Variants in TRPM3 observed in about 807,000 individuals in gnomAD.
TRPM3 encodes transient receptor potential cation channel subfamily M member 3.
TRPM3 carries 77 observed loss-of-function variants against 181.2 expected under a neutral mutation model. The ratio of observed to expected loss-of-function variants is 0.42; its 90% CI spans 0.35 to 0.51. The LOEUF (loss-of-function observed/expected upper bound fraction) is 0.51. Among genes scored for constraint, TRPM3 ranks in the 20% least tolerant of loss-of-function variants. The pLI is 0.01. For synonymous variants in TRPM3, 745 were observed against 796.4 expected (o/e 0.94, Z 1.09); for missense variants, 1,759 against 2,196.7 (o/e 0.80, Z 3.98).
intron 1 of TRPM3, among the ~76,000 whole-genome samples, chr9:71,306,642 G>A (rs897614719): frequency 6.6e-6 from 1 of 152,166 alleles, no homozygotes; most frequent in Non-Finnish European, 1.5e-5. Flanking sequence ...TTGGGAGGCT[G>A]AGGCAGGTGG....
intron 3 of TRPM3, among the ~76,000 whole-genome samples, chr9:70,847,225 G>A (rs1387851553): frequency 6.6e-6 from 1 of 152,018 alleles, no homozygotes; most frequent in Non-Finnish European, 1.5e-5. Flanking sequence ...GATGCAACTG[G>A]AAATAAAGTT....
At chr9:71,191,836 G>A (rs955881153) in intron 1 of TRPM3, among the ~76,000 whole-genome samples, 11 of 149,762 alleles carry the variant, frequency 7.3e-5, no homozygotes, top group African/African-American at 2.4e-4. Flanking sequence ...AAACTGAAGT[G>A]TGACTTTCAG....
intron 1 of TRPM3, among the ~76,000 whole-genome samples, chr9:71,197,332 C>T (rs1159295189): frequency 2.0e-5 from 3 of 152,052 alleles, no homozygotes; most frequent in Admixed American, 6.6e-5. Flanking sequence ...AATAAACATA[C>T]GTGTGCATGT....
At chr9:70,631,143 G>C (rs189087104) in intron 12 of TRPM3, among the ~76,000 whole-genome samples, 2 of 152,334 alleles carry the variant, frequency 1.3e-5, no homozygotes, top group African/African-American at 2.4e-5. Context: ...ATAAAGAAAA[G>C]TGGACTGCAG....
At chr9:71,409,382 C>T (rs956801633) in intron 1 of TRPM3, among the ~76,000 whole-genome samples, 2 of 152,074 alleles carry the variant, frequency 1.3e-5, no homozygotes, top group Admixed American at 1.3e-4. Flanking sequence ...TGCAGAGACA[C>T]ACATAGGCTC....
intron 1 of TRPM3, among the ~76,000 whole-genome samples, chr9:70,925,170 A>G (rs891059996): frequency 6.6e-6 from 1 of 152,170 alleles, no homozygotes; most frequent in Non-Finnish European, 1.5e-5. Context: ...TAAATGCTAC[A>G]CAGCAAATGA....
chr9:71,252,764 T>C (rs2132028506), intron 1 of TRPM3, among the ~76,000 whole-genome samples: 1 of 151,756 alleles, frequency 6.6e-6, no homozygotes, highest in South Asian at 2.1e-4. Context: ...CTCGGCCTCC[T>C]TGGGCTTAAG....
intron 1 of TRPM3, among the ~76,000 whole-genome samples, chr9:71,159,809 T>C (rs1054489486): frequency 6.6e-6 from 1 of 152,152 alleles, no homozygotes; most frequent in Admixed American, 6.6e-5. Flanking sequence ...TTTTAAATCA[T>C]GTGGAGATTA....
intron 1 of TRPM3, among the ~76,000 whole-genome samples, chr9:71,278,580 A>G (rs964553665): frequency 6.6e-6 from 1 of 152,236 alleles, no homozygotes; most frequent in Non-Finnish European, 1.5e-5. Flanking sequence ...TACATATGCA[A>G]CATCATATAA....
At chr9:71,104,685 C>T (rs772491981) in intron 1 of TRPM3, among the ~76,000 whole-genome samples, 4 of 152,082 alleles carry the variant, frequency 2.6e-5, no homozygotes, top group Non-Finnish European at 4.4e-5. Flanking sequence ...CAACTTTACC[C>T]GTTAAGTTTT....
At chr9:70,757,094 T>G (rs2077220602) in intron 8 of TRPM3, among the ~76,000 whole-genome samples, 1 of 151,842 alleles carries the variant, frequency 6.6e-6, no homozygotes, top group African/African-American at 2.4e-5. Context: ...CTAGACAGAC[T>G]AATAAAGAAG....
At chr9:70,573,972 T>TCACACACACACA (rs59193514) in intron 22 of TRPM3, among the ~76,000 whole-genome samples, 246 of 141,030 alleles carry the variant, frequency 1.7e-3, no homozygotes, top group Middle Eastern at 7.1e-3. Flanking sequence ...GCAATTCATT[T>TCACACACACACA]CACACACACA....
chr9:71,169,394 C>T lies in TRPM3; in HGVS notation c.183+277259G>A, dbSNP rs116135410. Among the ~76,000 whole-genome samples the T allele has an allele frequency of 5.6e-3, 852 of 152,038 alleles. 13 individuals carry two copies. Among genetic ancestry groups the T allele is most frequent in the African/African-American group, 0.02 (824 of 41,468 alleles). Reference sequence around the variant, plus strand: ...GACTGAGAAATGCAGCCTTGGAAGGCGAGAGTATGTAGGTAAATGTTATTT... The same window carrying T: ...GACTGAGAAATGCAGCCTTGGAAGGTGAGAGTATGTAGGTAAATGTTATTT... On this transcript the variant is annotated intron_variant, in intron 1 of 24. Transcript: ENST00000357533.
chr9:71,399,778 G>A (rs916946811), intron 1 of TRPM3, among the ~76,000 whole-genome samples: 9 of 152,006 alleles, frequency 5.9e-5, no homozygotes, highest in Non-Finnish European at 1.0e-4. Context: ...TGATCCGCCC[G>A]CCTTGGGCTT....
chr9:70,675,226 A>G (rs1354095689), intron 9 of TRPM3, among the ~76,000 whole-genome samples: 4 of 152,122 alleles, frequency 2.6e-5, no homozygotes, highest in African/African-American at 9.6e-5. Flanking sequence ...TCAGCCTCCC[A>G]AGTAGCTGGG....
chr9:71,124,482 G>T (rs536945822), upstream of TRPM3, among the ~76,000 whole-genome samples: 1 of 152,234 alleles, frequency 6.6e-6, no homozygotes, highest in South Asian at 2.1e-4. Flanking sequence ...CTAAAAAATA[G>T]CAAGCAGGGC....
intron 1 of TRPM3, among the ~76,000 whole-genome samples, chr9:70,877,617 T>C (rs1359870444): frequency 6.6e-6 from 1 of 151,986 alleles, no homozygotes; most frequent in Non-Finnish European, 1.5e-5. Context: ...AAGGTAATTA[T>C]AAACTCATTA....
chr9:70,988,988 C>A (rs2097449568), intron 1 of TRPM3, among the ~76,000 whole-genome samples: 1 of 152,142 alleles, frequency 6.6e-6, no homozygotes, highest in Admixed American at 6.5e-5. Flanking sequence ...GATGAGGATG[C>A]AACTGGCTGA....
chr9:71,116,615 G>A (rs1343161283), intron 1 of TRPM3, among the ~76,000 whole-genome samples: 1 of 152,050 alleles, frequency 6.6e-6, no homozygotes, highest in Non-Finnish European at 1.5e-5. Flanking sequence ...GTGCTGATCT[G>A]ATAACCCAAC....
Sources: allele counts gnomAD v4.1 joint callset (sites outside exome capture counted in the v4.1 genomes callset), GRCh38; gene constraint gnomAD v4.1.1; transcripts MANE v1.5; gene names NCBI Gene and HGNC (gene_info 2026-07-23, HGNC 2026-07-21).